The following RUVBL1 variants were observed in gnomAD, a reference collection of about 807,000 sequenced individuals.
RUVBL1 encodes RuvB like AAA ATPase 1, also known as ruvB-like 1.
RUVBL1 carries 4 observed loss-of-function variants against 52.4 expected under a neutral mutation model. The observed-to-expected ratio is 0.08, with a 90% CI of 0.04 to 0.17. RUVBL1 has a LOEUF of 0.17. Among genes scored for constraint, RUVBL1 ranks in the 10% least tolerant of loss-of-function variants. The pLI, the probability that RUVBL1 is intolerant of heterozygous loss-of-function variation, is 1.00. For synonymous variants in RUVBL1, 217 were observed against 214.4 expected (o/e 1.01, Z -0.10); for missense variants, 298 against 572.8 (o/e 0.52, Z 4.90).
chr3:128,152,961 C>CT, intron 1 of RUVBL1, among the ~76,000 whole-genome samples: 1 of 26,692 alleles, frequency 3.7e-5, no homozygotes. Context: ...TCTTCCCGCC[C>CT]CCCCCGCCCC....
downstream of RUVBL1, chr3:128,078,606 C>G (rs1302517859): frequency 6.6e-6 from 1 of 152,240 alleles, no homozygotes; most frequent in Admixed American, 6.5e-5. Context: ...CCAGCCCCCA[C>G]CCTGCCTCAC....
At position 128,093,468 on chromosome 3, in the gene RUVBL1, A is replaced by T. The variant is rs555753907; in HGVS notation, c.1016+3832T>A. On this transcript the variant is annotated intron_variant, in intron 8 of 10. Coordinates refer to ENST00000322623, the MANE Select transcript of RUVBL1 (RefSeq NM_003707.3). ...AAATCACAAAAAAAAACTGTATTTT[A>T]TATGAATTATGTCTCCATAAAGTTG... is the stretch of plus-strand genomic sequence containing the variant. Among the ~76,000 whole-genome samples the T allele has an allele frequency of 2.1e-3, 323 of 151,924 alleles. 2 individuals carry two copies. The highest frequency in any genetic ancestry group is 3.2e-3 in the Non-Finnish European group (218 of 67,990).
At chr3:128,074,842 CAAAAAAAAAAAAAA>C (rs386397876) in intron 9 of RUVBL1, among the ~76,000 whole-genome samples, 2 of 72,798 alleles carry the variant, frequency 2.7e-5, no homozygotes, top group Non-Finnish European at 5.5e-5. Flanking sequence ...AACTCCGTCT[CAAAAAAAAAAAAAA>C]AAAAAAAAAC....
chr3:128,149,478 C>T (rs73192979), intron 1 of RUVBL1, among the ~76,000 whole-genome samples: 21,117 of 152,208 alleles, frequency 0.14, 1,657 homozygotes, highest in African/African-American at 0.2. Context: ...AGCCACTATG[C>T]CTGGCCTTTG....
At chr3:128,068,252 T>TAA (rs1323803247) in intron 9 of RUVBL1, among the ~76,000 whole-genome samples, 1 of 152,222 alleles carries the variant, frequency 6.6e-6, no homozygotes, top group African/African-American at 2.4e-5. Flanking sequence ...AATAAACACT[T>TAA]ACAGCCCCTT....
chr3:128,125,175 C>A (rs1943766687), upstream of RUVBL1, among the ~76,000 whole-genome samples: 2 of 151,280 alleles, frequency 1.3e-5, no homozygotes, highest in South Asian at 2.1e-4. Flanking sequence ...CCATCACGCC[C>A]GGCTAATTTT....
chr3:128,128,405 C>T (rs555412377), upstream of RUVBL1, among the ~76,000 whole-genome samples: 12 of 152,292 alleles, frequency 7.9e-5, no homozygotes, highest in Middle Eastern at 0.017. Context: ...AGCAGGCATG[C>T]CAGGAGGTGG....
intron 1 of RUVBL1, among the ~76,000 whole-genome samples, chr3:128,122,269 T>G (rs567152369): frequency 4.6e-5 from 7 of 152,226 alleles, no homozygotes; most frequent in Non-Finnish European, 8.8e-5. Context: ...AGTGTAGTGA[T>G]GCCTGCAATT....
intron 1 of RUVBL1, among the ~76,000 whole-genome samples, chr3:128,139,678 T>C (rs1282903441): frequency 6.6e-6 from 1 of 152,112 alleles, no homozygotes; most frequent in Non-Finnish European, 1.5e-5. Flanking sequence ...AACAGGTGAA[T>C]GGATAAAGAA....
chr3:128,076,382 G>T (rs936550696), downstream of RUVBL1, among the ~76,000 whole-genome samples: 3 of 152,200 alleles, frequency 2.0e-5, no homozygotes, highest in Admixed American at 6.5e-5. This position sits in a 1 kb window ranked among gnomAD's most constrained non-coding sequence, Gnocchi z 6.8. Context: ...AGGAGCACAG[G>T]GGGGCGGCCG....
In RUVBL1 at chr3:128,082,970, T is replaced by C. The variant is rs1284934274; in HGVS notation, c.1120-396A>G. 1 of 165,944 alleles carries C rather than the reference T, an allele frequency of 6.0e-6. No homozygotes were observed. 10.3% of individuals were successfully genotyped at this position (165,944 alleles called of 1,614,324 possible). On this transcript the variant is annotated intron_variant, in intron 9 of 10. Coordinates refer to ENST00000322623, the MANE Select transcript of RUVBL1 (RefSeq NM_003707.3). The surrounding 1 kb of genome is among the most constrained non-coding windows in gnomAD (Gnocchi z 4.7). ...AGGGCTCTAACCTTCCTCTCCAGCATGGGCACTACTGCCTACAAGCACTCA... is the reference window on the plus strand; with the variant it reads ...AGGGCTCTAACCTTCCTCTCCAGCACGGGCACTACTGCCTACAAGCACTCA...
At chr3:128,085,449 G>A (rs1323195837) in intron 9 of RUVBL1, among the ~76,000 whole-genome samples, 1 of 152,206 alleles carries the variant, frequency 6.6e-6, no homozygotes. Context: ...AGAATTGCCT[G>A]GGACTGTTTC....
upstream of RUVBL1, among the ~76,000 whole-genome samples, chr3:128,128,430 C>T (rs1300896713): frequency 1.3e-5 from 2 of 152,224 alleles, no homozygotes; most frequent in East Asian, 3.8e-4. Context: ...GCTTTACAAT[C>T]AGTAAGGGCC....
intron 4 of RUVBL1, among the ~76,000 whole-genome samples, chr3:128,104,502 GT>G (rs1943178190): frequency 6.6e-6 from 1 of 152,238 alleles, no homozygotes; most frequent in Non-Finnish European, 1.5e-5. Flanking sequence ...GGCAGAGGCA[GT>G]TTCTTGACTT....
chr3:128,067,480 G>A lies in RUVBL1; in HGVS notation c.940-2260C>T, dbSNP rs1271089133. 6.2e-7 allele frequency: 1 copy of A among 1,614,026 alleles called. No individual in the cohort carries two copies. Among genetic ancestry groups the A allele is most frequent in the African/African-American group, 1.3e-5 (1 of 74,886 alleles). ...CAGTTGGTGGCCTTTGCTATTACCT[G>A]TCCCCTCCAGAATCTTTTGGCTCCG... On this transcript the variant is annotated intron_variant, in intron 9 of 9. Transcript: ENST00000464873. This position sits in a 1 kb window ranked among gnomAD's most constrained non-coding sequence, Gnocchi z 4.1.
At chr3:128,104,096 G>A (rs1304063270) in intron 4 of RUVBL1, among the ~76,000 whole-genome samples, 1 of 152,220 alleles carries the variant, frequency 6.6e-6, no homozygotes, top group Non-Finnish European at 1.5e-5. Context: ...ACAGTTGTAA[G>A]TAACAAAGCC....
rs370278149 is a variant in RUVBL1 at position 128,093,870 on chromosome 3, C to T, written c.1016+3430G>A. 2.9e-4 allele frequency among the ~76,000 whole-genome samples: 44 copies of T among 152,252 alleles called. No individual in the cohort carries two copies. In the South Asian group the frequency reaches 7.9e-3, roughly 27 times the overall value. ...CCAGGGACAGGTGCTTCTTCTAGAACGGCTCCCACATCAGCTGTCCACAGG... is the reference window on the plus strand; with the variant it reads ...CCAGGGACAGGTGCTTCTTCTAGAATGGCTCCCACATCAGCTGTCCACAGG... On this transcript the variant is annotated intron_variant, in intron 8 of 10. Coordinates refer to ENST00000322623, the MANE Select transcript of RUVBL1 (RefSeq NM_003707.3).
At chr3:128,151,027 ATATATTC>A (rs1209816886) in intron 1 of RUVBL1, among the ~76,000 whole-genome samples, 3 of 98,040 alleles carry the variant, frequency 3.1e-5, no homozygotes, top group East Asian at 5.2e-4. Context: ...TATATATAAT[ATATATTC>A]TATATTCTAT....
In RUVBL1 at chr3:128,139,440, G is replaced by A. The variant is rs541241855; in HGVS notation, c.-40+13763C>T. Among the ~76,000 whole-genome samples, 4 of 152,280 alleles carry A rather than the reference G, an allele frequency of 2.6e-5. No individual in the cohort carries two copies. In the South Asian group the frequency reaches 8.3e-4, roughly 32 times the overall value. ...ACATACAAATGGCAAGTAGGCATATGAAAAGGTGCTCACCATCACTGATCA... is the reference window on the plus strand; with the variant it reads ...ACATACAAATGGCAAGTAGGCATATAAAAAGGTGCTCACCATCACTGATCA... On this transcript the variant is annotated intron_variant, in intron 1 of 9. Transcript: ENST00000464873.
Sources: gnomAD v4.1 joint callset for allele counts (sites outside exome capture counted in the v4.1 genomes callset) on GRCh38, gnomAD v4.1.1 for gene constraint, Gnocchi (gnomAD v3.1) non-coding constraint, MANE v1.5 for transcripts, NCBI Gene and HGNC (gene_info 2026-07-23, HGNC 2026-07-21) for gene names.